Variants in DAB1 observed in about 807,000 individuals in gnomAD.
The protein encoded by DAB1 is DAB adaptor protein 1.
In DAB1, 15 loss-of-function variants were observed where a neutral mutation model predicts 64.6. That is an observed-to-expected ratio of 0.23 (90% CI 0.16 to 0.36). The LOEUF (loss-of-function observed/expected upper bound fraction) is 0.36, where lower values mean the gene tolerates loss of function less well. Ranked by LOEUF, DAB1 falls within the 10% of genes least tolerant of loss-of-function variation. DAB1 has a pLI of 1.00. For synonymous variants in DAB1, 235 were observed against 251.9 expected (o/e 0.93, Z 0.64); for missense variants, 596 against 706.7 (o/e 0.84, Z 1.78).
chr1:58,365,481 G>A lies in DAB1; in HGVS notation n.258-22078C>T, dbSNP rs192486226. Among the ~76,000 whole-genome samples, 28 of 152,318 alleles carry A rather than the reference G, an allele frequency of 1.8e-4. No individual in the cohort carries two copies. In the East Asian group the frequency reaches 4.5e-3, roughly 24 times the overall value. ...GGGGCTTCATGTGTCTGGTGACTGC[G>A]TGAGGTAGGACTATACAGATCTGGC... On this transcript the variant is annotated intron_variant and non_coding_transcript_variant, in intron 3 of 20. Transcript: ENST00000485760.
chr1:58,174,244 C>G (rs1262344741), intron 4 of DAB1, among the ~76,000 whole-genome samples: 2 of 152,186 alleles, frequency 1.3e-5, no homozygotes, highest in Non-Finnish European at 2.9e-5. Context: ...AACTCTTATA[C>G]CAACCTCTGG....
At chr1:57,882,568 T>C (rs1644161031) in intron 1 of DAB1, among the ~76,000 whole-genome samples, 1 of 152,180 alleles carries the variant, frequency 6.6e-6, no homozygotes. Context: ...GCCTCATAGG[T>C]GTTAAGCAGA....
intron 7 of DAB1, among the ~76,000 whole-genome samples, chr1:57,500,552 T>C (rs1326040696): frequency 6.6e-6 from 1 of 152,170 alleles, no homozygotes; most frequent in Non-Finnish European, 1.5e-5. Context: ...TGAAGACATA[T>C]TGTTAGCCAT....
intron 2 of DAB1, among the ~76,000 whole-genome samples, chr1:57,283,765 TG>T (rs1246512635): frequency 3.3e-5 from 5 of 152,334 alleles, no homozygotes; most frequent in African/African-American, 1.2e-4. Flanking sequence ...ATAAGTTGTT[TG>T]GGATCTACTG....
Position 57,062,908 on chromosome 1 carries a change from A to G in DAB1, c.699T>C (p.Asp233=), listed in dbSNP as rs1650543515. 1 of 1,614,194 alleles carries G rather than the reference A, an allele frequency of 6.2e-7. No individual in the cohort carries two copies. Among genetic ancestry groups the G allele is most frequent in the Non-Finnish European group, 8.5e-7 (1 of 1,180,020 alleles). ...PTSQKKEGVY[D]VPKSQPVSAV... The stretch of plus-strand genomic sequence containing the variant: ...CACTTACAGGTTGACTTTTTGGCAC[A>G]TCATAAACACCTTCCTTCTTTTGGC... Residue 233 remains aspartate (D), a synonymous_variant, in exon 9 of 15, where the codon GAT becomes GAC. Transcript: ENST00000371236.
At chr1:57,913,957 G>C (rs1189724518) in intron 5 of DAB1, among the ~76,000 whole-genome samples, 1 of 152,190 alleles carries the variant, frequency 6.6e-6, no homozygotes, top group Non-Finnish European at 1.5e-5. Flanking sequence ...AGGTGCTGGA[G>C]AGGATGTGGA....
intron 6 of DAB1, among the ~76,000 whole-genome samples, chr1:57,733,483 A>T (rs553400762): frequency 3.9e-5 from 6 of 152,208 alleles, no homozygotes; most frequent in African/African-American, 1.4e-4. Context: ...AATATGTAAG[A>T]AGACTTATGC....
intron 4 of DAB1, among the ~76,000 whole-genome samples, chr1:58,312,902 C>G (rs1033187002): frequency 3.9e-5 from 6 of 152,022 alleles, no homozygotes; most frequent in Non-Finnish European, 8.8e-5. Flanking sequence ...TAAAAGAGTT[C>G]ACAACTTAAA....
At chr1:57,519,599 G>A (rs1644502429) in intron 7 of DAB1, among the ~76,000 whole-genome samples, 1 of 152,142 alleles carries the variant, frequency 6.6e-6, no homozygotes, top group Admixed American at 6.5e-5. Flanking sequence ...GGGGTACAGG[G>A]TGCCCCTAGA....
chr1:57,122,697 A>G (rs369217500), intron 4 of DAB1, among the ~76,000 whole-genome samples: 25 of 152,178 alleles, frequency 1.6e-4, no homozygotes, highest in Admixed American at 3.9e-4. Flanking sequence ...CTAAATTTGG[A>G]CAGAATCTGG....
At chr1:57,811,235 G>A (rs112655866) in intron 6 of DAB1, among the ~76,000 whole-genome samples, 35 of 152,316 alleles carry the variant, frequency 2.3e-4, no homozygotes, top group African/African-American at 7.9e-4. Flanking sequence ...CAAATCTCAC[G>A]TCAAATTGTA....
At chr1:57,344,705 G>T (rs1322126323) in intron 1 of DAB1, among the ~76,000 whole-genome samples, 1 of 151,976 alleles carries the variant, frequency 6.6e-6, no homozygotes, top group Non-Finnish European at 1.5e-5. Flanking sequence ...TGTTAAGATG[G>T]AGTTCCCTCC....
At chr1:57,774,469 A>G (rs530241808) in intron 6 of DAB1, among the ~76,000 whole-genome samples, 63 of 151,916 alleles carry the variant, frequency 4.1e-4, no homozygotes, top group African/African-American at 1.4e-3. Context: ...TACAATGTTG[A>G]ATAGAAATGA....
chr1:57,621,308 G>A (rs1320176184), intron 7 of DAB1, among the ~76,000 whole-genome samples: 1 of 151,076 alleles, frequency 6.6e-6, no homozygotes, highest in Non-Finnish European at 1.5e-5. Flanking sequence ...ATGGGGGAGA[G>A]TTGGCCTGAA....
intron 5 of DAB1, among the ~76,000 whole-genome samples, chr1:57,922,079 C>A (rs1644815702): frequency 6.6e-6 from 1 of 152,194 alleles, no homozygotes; most frequent in Non-Finnish European, 1.5e-5. Context: ...CAAAATAGCA[C>A]CCCATTTCTC....
chr1:57,192,789 T>G (rs977783388), intron 2 of DAB1, among the ~76,000 whole-genome samples: 2 of 152,228 alleles, frequency 1.3e-5, no homozygotes, highest in Admixed American at 6.5e-5. Flanking sequence ...TGTATTTTTT[T>G]AATTGAGGTT....
intron 1 of DAB1, chr1:57,860,884 T>G (rs1653986364): frequency 6.6e-6 from 1 of 152,194 alleles, no homozygotes; most frequent in African/African-American, 2.4e-5. Flanking sequence ...TGAATGTCAT[T>G]TCTTCAAGAA....
chr1:57,050,961 G>T (rs888293713), intron 9 of DAB1, among the ~76,000 whole-genome samples: 7 of 152,328 alleles, frequency 4.6e-5, no homozygotes, highest in African/African-American at 1.7e-4. Flanking sequence ...GTCTGTCATT[G>T]TAGGTATGTG....
At chr1:57,239,202 C>T (rs944917813) in intron 2 of DAB1, among the ~76,000 whole-genome samples, 1 of 152,126 alleles carries the variant, frequency 6.6e-6, no homozygotes, top group Non-Finnish European at 1.5e-5. Context: ...TTCAAATGTC[C>T]ACTCAGAAGT....
Sources: allele counts gnomAD v4.1 joint callset (sites outside exome capture counted in the v4.1 genomes callset), GRCh38; gene constraint gnomAD v4.1.1; transcripts MANE v1.5; gene names NCBI Gene and HGNC (gene_info 2026-07-23, HGNC 2026-07-21).